The following ERC2 variants were observed in gnomAD, a reference collection of about 807,000 sequenced individuals.
ERC2 encodes ERC protein 2.
A neutral mutation model predicts 114.8 loss-of-function variants in ERC2; 42 were observed. The ratio of observed to expected loss-of-function variants is 0.37; its 90% CI spans 0.29 to 0.47. The LOEUF is 0.47. Ranked by LOEUF, ERC2 falls within the 20% of genes least tolerant of loss-of-function variation. ERC2 has a pLI of 0.99. For missense variants in ERC2, 939 were observed against 1,150.7 expected, an observed-to-expected ratio of 0.82 and a Z score of 2.66; for synonymous variants, 454 against 425.5, an observed-to-expected ratio of 1.07 and a Z score of -0.82.
In ERC2 at chr3:55,642,297, T is replaced by G. The variant is rs57507584; in HGVS notation, c.*39+41497A>C. 5.4e-3 allele frequency among the ~76,000 whole-genome samples: 820 copies of G among 151,978 alleles called. 12 individuals carry two copies. Among genetic ancestry groups the G allele is most frequent in the African/African-American group, 0.019 (775 of 41,456 alleles). On this transcript the variant is annotated intron_variant, in intron 17 of 17. Coordinates refer to ENST00000288221, the MANE Select transcript of ERC2 (RefSeq NM_015576.3). ...TCGCCCAGATTTTCTCTCTGGCTCC[T>G]ACGCTTTCCACAGATCACAGCTTTT...
chr3:56,221,394 C>CAAA (rs34151708), intron 3 of ERC2, among the ~76,000 whole-genome samples: 89 of 135,278 alleles, frequency 6.6e-4, no homozygotes, highest in African/African-American at 2.2e-3. Context: ...GTCATCTCAC[C>CAAA]AAAAAAAAAA....
intron 13 of ERC2, among the ~76,000 whole-genome samples, chr3:55,901,150 T>C (rs887751375): frequency 1.3e-5 from 2 of 152,224 alleles, no homozygotes; most frequent in Non-Finnish European, 2.9e-5. Flanking sequence ...GTGATGGATC[T>C]TGGGTCTCTT....
chr3:55,934,267 A>G (rs2066303192), intron 13 of ERC2, among the ~76,000 whole-genome samples: 2 of 152,228 alleles, frequency 1.3e-5, no homozygotes, highest in East Asian at 1.9e-4. Flanking sequence ...GCAAATCTTC[A>G]ATACAGTTTA....
At chr3:55,711,122 G>A (rs542499956) in intron 15 of ERC2, among the ~76,000 whole-genome samples, 1 of 152,318 alleles carries the variant, frequency 6.6e-6, no homozygotes, top group South Asian at 2.1e-4. Flanking sequence ...AGTCTAAACA[G>A]CATCAAACAC....
chr3:55,831,669 C>G (rs1046344317), intron 14 of ERC2, among the ~76,000 whole-genome samples: 2 of 152,162 alleles, frequency 1.3e-5, no homozygotes, highest in Non-Finnish European at 2.9e-5. Context: ...CTACAGCTCC[C>G]AGCATGAGTG....
At chr3:55,927,716 G>A (rs1238659965) in intron 13 of ERC2, among the ~76,000 whole-genome samples, 2 of 150,612 alleles carry the variant, frequency 1.3e-5, no homozygotes, top group African/African-American at 2.4e-5. Context: ...CTATATTTTT[G>A]TACCAGTTAA....
At position 56,149,052 on chromosome 3, in the gene ERC2, C is replaced by T. The variant is rs1228160072; in HGVS notation, c.1230G>A (p.Leu410=). ...TCTCTTCTTCGCGGTCCTCAGTGTTCAGCACACCATTGGCTTTTAACATCT... is the reference window on the plus strand; with the variant it reads ...TCTCTTCTTCGCGGTCCTCAGTGTTTAGCACACCATTGGCTTTTAACATCT... The part of the protein sequence containing the change: ...EIQMLKANGV[L]NTEDREEEIK... Residue 410 remains leucine, a synonymous_variant, in exon 5 of 18, where the codon CTG becomes CTA. Coordinates refer to ENST00000288221, the MANE Select transcript of ERC2 (RefSeq NM_015576.3). 1.2e-6 allele frequency: 2 copies of T among 1,613,392 alleles called. No homozygotes were observed. Among genetic ancestry groups the T allele is most frequent in the South Asian group, 1.1e-5 (1 of 91,030 alleles).
At chr3:56,456,055 A>G (rs532568747) in intron 1 of ERC2, among the ~76,000 whole-genome samples, 72 of 152,286 alleles carry the variant, frequency 4.7e-4, no homozygotes, top group African/African-American at 1.7e-3. Flanking sequence ...GATCTGGTAA[A>G]TTTTATGCGT....
intron 11 of ERC2, 66 bp downstream of exon 11, chr3:55,991,991 G>C: frequency 7.0e-7 from 1 of 1,436,602 alleles, no homozygotes; most frequent in South Asian, 1.3e-5. Flanking sequence ...CACCACAACC[G>C]GAGATGGGCA....
chr3:56,447,206 C>T (rs1326707842), intron 1 of ERC2, among the ~76,000 whole-genome samples: 3 of 152,246 alleles, frequency 2.0e-5, no homozygotes, highest in Admixed American at 2.0e-4. Flanking sequence ...ACTGGGTTGG[C>T]CTTCCCTTGC....
chr3:55,625,415 TAA>T (rs557399094), intron 17 of ERC2, among the ~76,000 whole-genome samples: 4 of 139,652 alleles, frequency 2.9e-5, no homozygotes, highest in Non-Finnish European at 1.6e-5. Context: ...ATAGCTAAGT[TAA>T]AAAAAAAAAA....
intron 4 of ERC2, among the ~76,000 whole-genome samples, chr3:56,172,033 T>C (rs78708661): frequency 4.7e-4 from 29 of 62,096 alleles, no homozygotes; most frequent in Non-Finnish European, 1.1e-3. Flanking sequence ...ATTTTTCCTC[T>C]TTTTTTTTTT....
chr3:56,229,035 A>C (rs2050435608), intron 3 of ERC2, among the ~76,000 whole-genome samples: 1 of 152,168 alleles, frequency 6.6e-6, no homozygotes, highest in African/African-American at 2.4e-5. Context: ...ATTTTACAGA[A>C]TGCTTTTTTC....
At chr3:56,397,971 G>C (rs1262798519) in intron 2 of ERC2, among the ~76,000 whole-genome samples, 2 of 152,162 alleles carry the variant, frequency 1.3e-5, no homozygotes, top group African/African-American at 2.4e-5. Flanking sequence ...GTAATTCCCA[G>C]AAGGTGTATA....
chr3:56,284,524 A>C (rs7355858), intron 3 of ERC2, among the ~76,000 whole-genome samples: 1 of 152,218 alleles, frequency 6.6e-6, no homozygotes, highest in African/African-American at 2.4e-5. Context: ...CTCCAAAATT[A>C]TTCCGAAGTT....
intron 1 of ERC2, among the ~76,000 whole-genome samples, chr3:56,462,000 T>C (rs1158471770): frequency 6.6e-6 from 1 of 152,112 alleles, no homozygotes; most frequent in East Asian, 1.9e-4. Context: ...TTAGCAGAAA[T>C]AAGTCCATGG....
intron 14 of ERC2, among the ~76,000 whole-genome samples, chr3:55,796,450 G>C (rs2070497802): frequency 6.6e-6 from 1 of 152,088 alleles, no homozygotes; most frequent in Admixed American, 6.5e-5. Context: ...TTTTTAGATG[G>C]AGTCTCACTC....
intron 10 of ERC2, among the ~76,000 whole-genome samples, chr3:55,994,241 A>T (rs1486457368): frequency 6.6e-6 from 1 of 152,186 alleles, no homozygotes; most frequent in Non-Finnish European, 1.5e-5. Context: ...CCCTCAAAAC[A>T]AATGAATACG....
intron 3 of ERC2, among the ~76,000 whole-genome samples, chr3:56,211,084 A>T (rs1186466368): frequency 5.9e-5 from 9 of 152,100 alleles, no homozygotes; most frequent in Non-Finnish European, 8.8e-5. Flanking sequence ...TAAATTTAAT[A>T]TAATTTTTCA....
Sources: allele counts gnomAD v4.1 joint callset (sites outside exome capture counted in the v4.1 genomes callset), GRCh38; gene constraint gnomAD v4.1.1; transcripts MANE v1.5; gene names NCBI Gene and HGNC (gene_info 2026-07-23, HGNC 2026-07-21).